CSMD1: variants seen among roughly 807,000 people sequenced by gnomAD.
CSMD1 encodes CUB and Sushi multiple domains 1, also known as CUB and sushi domain-containing protein 1.
In CSMD1, 213 loss-of-function variants were observed where a neutral mutation model predicts 417.5. The observed-to-expected ratio is 0.51, with a 90% CI of 0.46 to 0.57. CSMD1 has a LOEUF of 0.57. Ranked by LOEUF, CSMD1 falls within the 20% of genes least tolerant of loss-of-function variation. The pLI, the probability that CSMD1 is intolerant of heterozygous loss-of-function variation, is 0.00. For missense variants in CSMD1, 6,923 were observed against 4,529.7 expected, an observed-to-expected ratio of 1.53 and a Z score of -15.17; for synonymous variants, 2,862 against 1,736.8, an observed-to-expected ratio of 1.65 and a Z score of -16.11.
At chr8:3,791,087 A>G (rs1799712702) in intron 5 of CSMD1, among the ~76,000 whole-genome samples, 1 of 152,232 alleles carries the variant, frequency 6.6e-6, no homozygotes, top group African/African-American at 2.4e-5. Flanking sequence ...TTAATTTCAT[A>G]AAATCAGTGT....
chr8:4,382,145 G>A (rs553915044), intron 3 of CSMD1, among the ~76,000 whole-genome samples: 9 of 152,246 alleles, frequency 5.9e-5, no homozygotes, highest in African/African-American at 2.2e-4. Context: ...CTTTGACAAA[G>A]CAAAGCATGC....
intron 3 of CSMD1, among the ~76,000 whole-genome samples, chr8:4,286,993 G>C (rs755492242): frequency 6.6e-6 from 1 of 152,110 alleles, no homozygotes; most frequent in Non-Finnish European, 1.5e-5. Flanking sequence ...GCCAAGTAAA[G>C]AAAAAGGGCT....
chr8:3,337,493 G>C (rs965947304), intron 23 of CSMD1, among the ~76,000 whole-genome samples: 1 of 152,108 alleles, frequency 6.6e-6, no homozygotes, highest in African/African-American at 2.4e-5. Context: ...GCGGTTGGCA[G>C]TCTTGCCTAA....
chr8:4,054,982 G>C (rs1798616575), intron 3 of CSMD1, among the ~76,000 whole-genome samples: 1 of 152,086 alleles, frequency 6.6e-6, no homozygotes, highest in Non-Finnish European at 1.5e-5. Context: ...GCTTTTAACA[G>C]CATACAAAGA....
intron 1 of CSMD1, among the ~76,000 whole-genome samples, chr8:4,653,988 C>T (rs769033936): frequency 6.6e-6 from 1 of 151,924 alleles, no homozygotes; most frequent in Non-Finnish European, 1.5e-5. Flanking sequence ...TGATTAGGTT[C>T]CATTCAAATA....
chr8:4,081,700 T>G (rs889627169), intron 3 of CSMD1, among the ~76,000 whole-genome samples: 1 of 152,188 alleles, frequency 6.6e-6, no homozygotes, highest in African/African-American at 2.4e-5. Context: ...ACATTTAAAT[T>G]CTAAAAAGTA....
chr8:4,336,603 A>G (rs1405304489), intron 3 of CSMD1, among the ~76,000 whole-genome samples: 1 of 152,146 alleles, frequency 6.6e-6, no homozygotes, highest in African/African-American at 2.4e-5. Flanking sequence ...TACACACACA[A>G]AGTGCATTTG....
chr8:4,505,571 T>C (rs1030967958), intron 2 of CSMD1, among the ~76,000 whole-genome samples: 18 of 152,178 alleles, frequency 1.2e-4, no homozygotes, highest in Admixed American at 2.6e-4. Context: ...GCTATTGGAA[T>C]GGATTTCTTA....
At chr8:4,596,592 A>T (rs1246497920) in intron 2 of CSMD1, among the ~76,000 whole-genome samples, 17 of 152,320 alleles carry the variant, frequency 1.1e-4, no homozygotes, top group Admixed American at 1.1e-3. Context: ...TGAAGTGCAT[A>T]TATTCTTCCT....
At chr8:4,171,650 T>C (rs1240752070) in intron 3 of CSMD1, among the ~76,000 whole-genome samples, 2 of 151,966 alleles carry the variant, frequency 1.3e-5, no homozygotes, top group African/African-American at 4.9e-5. Flanking sequence ...TGCCTGTTTT[T>C]TTCCCAATGC....
chr8:3,394,457 G>T (rs572908617), intron 17 of CSMD1, among the ~76,000 whole-genome samples: 5 of 151,806 alleles, frequency 3.3e-5, no homozygotes, highest in Non-Finnish European at 7.4e-5. Flanking sequence ...TTAGCCTTTG[G>T]AACACATTCC....
chr8:4,168,544 C>A (rs1233491053), intron 3 of CSMD1, among the ~76,000 whole-genome samples: 1 of 152,020 alleles, frequency 6.6e-6, no homozygotes, highest in South Asian at 2.1e-4. Context: ...CAGAACACAA[C>A]AGTGAGCAGA....
intron 7 of CSMD1, among the ~76,000 whole-genome samples, chr8:3,660,677 C>T (rs1194766231): frequency 6.6e-6 from 1 of 151,812 alleles, no homozygotes; most frequent in Non-Finnish European, 1.5e-5. Flanking sequence ...CCCTCCACCA[C>T]ACCTGGCTAA....
intron 50 of CSMD1, among the ~76,000 whole-genome samples, chr8:3,047,213 CAAAAAAAA>C (rs749861179): frequency 6.8e-5 from 5 of 73,080 alleles, no homozygotes; most frequent in African/African-American, 2.1e-4. Flanking sequence ...GACTCCCTCT[CAAAAAAAA>C]AAAAAAAAAA....
In CSMD1 at chr8:3,030,084, C is replaced by G. The variant is rs182677123; in HGVS notation, c.7661-571G>C. The stretch of plus-strand genomic sequence containing the variant: ...TTTAACAAGTCTTAAAGGAGACCAT[C>G]TATTCATGTCCTTAGAAAAGGGCCT... On this transcript the variant is annotated intron_variant, in intron 50 of 69. Coordinates refer to ENST00000635120, the MANE Select transcript of CSMD1 (RefSeq NM_033225.6). Among the ~76,000 whole-genome samples the G allele has an allele frequency of 4.2e-3, 637 of 152,174 alleles. 8 individuals are homozygous for G. Among genetic ancestry groups the G allele is most frequent in the Middle Eastern group, 0.014 (4 of 294 alleles).
chr8:4,201,056 C>G (rs766689897), intron 3 of CSMD1, among the ~76,000 whole-genome samples: 1 of 152,160 alleles, frequency 6.6e-6, no homozygotes, highest in African/African-American at 2.4e-5. Context: ...AAACACCATT[C>G]ACTACTTTCT....
At chr8:3,019,871 C>A (rs1406892462) in intron 51 of CSMD1, among the ~76,000 whole-genome samples, 1 of 152,224 alleles carries the variant, frequency 6.6e-6, no homozygotes, top group Non-Finnish European at 1.5e-5. Flanking sequence ...TCCAGCCCAA[C>A]CTATCATCAG....
At chr8:3,387,375 G>T (rs569966701) in intron 18 of CSMD1, 119 bp downstream of exon 18, 1 of 731,558 alleles carries the variant, frequency 1.4e-6, no homozygotes, top group African/African-American at 1.8e-5. Flanking sequence ...CTTCTCAGAG[G>T]GAACTCACGC....
At chr8:4,650,030 G>T (rs1046327199) in intron 1 of CSMD1, among the ~76,000 whole-genome samples, 1 of 152,132 alleles carries the variant, frequency 6.6e-6, no homozygotes, top group Non-Finnish European at 1.5e-5. Flanking sequence ...TATCATGTCT[G>T]GGATGAGACA....
Sources: allele counts gnomAD v4.1 joint callset (sites outside exome capture counted in the v4.1 genomes callset), GRCh38; gene constraint gnomAD v4.1.1; transcripts MANE v1.5; gene names NCBI Gene and HGNC (gene_info 2026-07-23, HGNC 2026-07-21).